Variants in CTNNA2 observed in about 807,000 individuals in gnomAD.
CTNNA2 encodes the protein catenin alpha-2.
Under a neutral mutation model 101.0 loss-of-function variants are expected in CTNNA2, and 42 were observed. The observed-to-expected ratio is 0.42, with a 90% CI of 0.32 to 0.54. The LOEUF is 0.54. Among genes scored for constraint, CTNNA2 ranks in the 20% least tolerant of loss-of-function variants. The pLI is 0.14. For missense variants in CTNNA2, 871 were observed against 1,223.1 expected, an observed-to-expected ratio of 0.71 and a Z score of 4.29; for synonymous variants, 450 against 456.4, an observed-to-expected ratio of 0.99 and a Z score of 0.18.
chr2:80,046,264 C>G (rs969627954), intron 7 of CTNNA2, among the ~76,000 whole-genome samples: 5 of 152,138 alleles, frequency 3.3e-5, no homozygotes, highest in African/African-American at 1.2e-4. Context: ...TCAATTGTTT[C>G]TGGAAAATTC....
At chr2:79,582,305 T>G (rs1573399211) in intron 1 of CTNNA2, among the ~76,000 whole-genome samples, 1 of 152,384 alleles carries the variant, frequency 6.6e-6, no homozygotes, top group East Asian at 1.9e-4. Context: ...TAATTTTAAA[T>G]GTGTTCAAAC....
intron 7 of CTNNA2, among the ~76,000 whole-genome samples, chr2:79,955,179 C>T (rs564150542): frequency 1.3e-5 from 2 of 152,148 alleles, no homozygotes; most frequent in Non-Finnish European, 2.9e-5. Context: ...ATCTGCAGCA[C>T]CATATGTTTA....
chr2:80,033,666 A>G (rs544609495), intron 7 of CTNNA2, among the ~76,000 whole-genome samples: 2 of 152,328 alleles, frequency 1.3e-5, no homozygotes, highest in South Asian at 4.1e-4. Context: ...AGCAAATTAG[A>G]CAATGAATGA....
chr2:79,416,236 C>T (rs1266919697), intron 4 of CTNNA2, among the ~76,000 whole-genome samples: 1 of 146,174 alleles, frequency 6.8e-6, no homozygotes, highest in East Asian at 2.0e-4. Context: ...CTCATGTCTC[C>T]TTGTCTTCTT....
chr2:79,934,967 G>C (rs1687680106), intron 7 of CTNNA2, among the ~76,000 whole-genome samples: 2 of 152,200 alleles, frequency 1.3e-5, no homozygotes, highest in Non-Finnish European at 2.9e-5. Flanking sequence ...ATTTGGATGA[G>C]ATTGCAGTTG....
chr2:80,585,471 G>C (rs11903266), intron 14 of CTNNA2, among the ~76,000 whole-genome samples: 10,006 of 152,152 alleles, frequency 0.066, 594 homozygotes, highest in African/African-American at 0.16. Context: ...ACTGTGAAAA[G>C]CAGAAACTTC....
chr2:79,367,758 G>A (rs527977444), intron 3 of CTNNA2, among the ~76,000 whole-genome samples: 2 of 152,286 alleles, frequency 1.3e-5, no homozygotes, highest in East Asian at 1.9e-4. Flanking sequence ...TATGGGCTAT[G>A]AGGCATTAGT....
intron 2 of CTNNA2, among the ~76,000 whole-genome samples, chr2:79,302,310 G>A (rs570327493): frequency 6.6e-6 from 1 of 152,102 alleles, no homozygotes; most frequent in South Asian, 2.1e-4. Context: ...ATACTGGGAA[G>A]CATCCCTGCT....
intron 8 of CTNNA2, among the ~76,000 whole-genome samples, chr2:80,404,981 C>T (rs1678930490): frequency 1.3e-5 from 2 of 152,174 alleles, no homozygotes; most frequent in African/African-American, 4.8e-5. Flanking sequence ...AAATATTAAA[C>T]ATTATTGCAT....
At chr2:79,396,865 AT>A in intron 4 of CTNNA2, among the ~76,000 whole-genome samples, 1 of 152,302 alleles carries the variant, frequency 6.6e-6, no homozygotes, top group South Asian at 2.1e-4. Context: ...CTCCACAAGA[AT>A]TTAAGAATCC....
chr2:80,488,583 CA>C (rs1382620861), intron 9 of CTNNA2, among the ~76,000 whole-genome samples: 3 of 152,164 alleles, frequency 2.0e-5, no homozygotes, highest in Non-Finnish European at 2.9e-5. Context: ...CCTACTTGGA[CA>C]AACAAAATGA....
intron 9 of CTNNA2, among the ~76,000 whole-genome samples, chr2:80,501,021 A>G (rs1231269536): frequency 1.3e-5 from 2 of 152,232 alleles, no homozygotes; most frequent in Admixed American, 1.3e-4. Context: ...AGATGAATTC[A>G]AATGTAATGA....
chr2:80,238,622 C>A (rs1709666646), intron 7 of CTNNA2, among the ~76,000 whole-genome samples: 1 of 152,102 alleles, frequency 6.6e-6, no homozygotes, highest in African/African-American at 2.4e-5. Context: ...CCTGACAAGT[C>A]CCATAGCTTA....
At chr2:80,554,065 G>C (rs1342358012) in intron 11 of CTNNA2, among the ~76,000 whole-genome samples, 2 of 152,166 alleles carry the variant, frequency 1.3e-5, no homozygotes, top group Admixed American at 6.5e-5. Flanking sequence ...ATAATGGTTT[G>C]AGTGAAGAAA....
At chr2:80,511,877 G>A (rs772449318) in intron 9 of CTNNA2, among the ~76,000 whole-genome samples, 7 of 152,076 alleles carry the variant, frequency 4.6e-5, no homozygotes, top group Non-Finnish European at 7.4e-5. Flanking sequence ...AGGGCCAGGC[G>A]TGGTGGCTTA....
Position 80,492,626 on chromosome 2 carries a change from C to T in CTNNA2, c.1291-52356C>T, listed in dbSNP as rs535581736. Among the ~76,000 whole-genome samples, 15 of 152,270 alleles carry T rather than the reference C, an allele frequency of 9.9e-5. 1 individual carries two copies. The highest frequency in any genetic ancestry group is 3.6e-4 in the African/African-American group (15 of 41,562). On this transcript the variant is annotated intron_variant, in intron 9 of 18. Coordinates refer to ENST00000402739, the MANE Select transcript of CTNNA2 (RefSeq NM_001282597.3). The stretch of plus-strand genomic sequence containing the variant: ...GAGCCTTTGATGGCCTAGCTTCTGT[C>T]TTTTCTTTGTCCTCCCTTAGTTGCC...
At chr2:80,167,472 A>T (rs1353681045) in intron 7 of CTNNA2, among the ~76,000 whole-genome samples, 1 of 152,200 alleles carries the variant, frequency 6.6e-6, no homozygotes, top group African/African-American at 2.4e-5. Context: ...CAGTTATGCA[A>T]TCTTTGGTAA....
intron 7 of CTNNA2, among the ~76,000 whole-genome samples, chr2:80,240,628 G>A (rs867787212): frequency 4.0e-5 from 6 of 151,872 alleles, no homozygotes; most frequent in Admixed American, 3.3e-4. Context: ...TAATAACCCC[G>A]GGAAAAAAAT....
intron 4 of CTNNA2, among the ~76,000 whole-genome samples, chr2:79,482,967 C>T (rs550813851): frequency 6.6e-6 from 1 of 152,322 alleles, no homozygotes; most frequent in East Asian, 1.9e-4. Context: ...AACATAGAAT[C>T]ATCCAGCAGA....
Sources: gnomAD v4.1 joint callset for allele counts (sites outside exome capture counted in the v4.1 genomes callset) on GRCh38, gnomAD v4.1.1 for gene constraint, MANE v1.5 for transcripts, NCBI Gene and HGNC (gene_info 2026-07-23, HGNC 2026-07-21) for gene names.